CBR4: variants seen among roughly 807,000 people sequenced by gnomAD.
CBR4 encodes the protein carbonyl reductase 4.
A neutral mutation model predicts 21.0 loss-of-function variants in CBR4; 22 were observed. The ratio of observed to expected loss-of-function variants is 1.05; its 90% CI spans 0.75 to 1.50. CBR4 has a LOEUF of 1.50. CBR4 is among the 40% of genes most tolerant of loss of function. CBR4 has a pLI of 0.00. For synonymous variants in CBR4, 100 were observed against 104.4 expected (o/e 0.96, Z 0.26); for missense variants, 302 against 286.3 (o/e 1.05, Z -0.40).
chr4:168,922,079 TTA>T (rs1457613340), intron 2 of CBR4, among the ~76,000 whole-genome samples: 4 of 132,868 alleles, frequency 3.0e-5, no homozygotes, highest in African/African-American at 1.3e-4. Flanking sequence ...ATATAAAGTT[TTA>T]TATTTATATA....
rs143691649 is a variant in CBR4 at position 168,914,101 on chromosome 4, T to C, written n.170-19336A>G. On this transcript the variant is annotated intron_variant and non_coding_transcript_variant, in intron 2 of 3. Transcript: ENST00000509108. The stretch of plus-strand genomic sequence containing the variant: ...ATGTAGTACTATTAGAATCATCATA[T>C]GACCACAAAAGTAAACATAACTGGA... The C allele has an allele frequency of 2.7e-4, 238 of 895,974 alleles. 1 individual carries two copies. The African/African-American group carries it at 3.3e-3, about 12-fold the overall frequency. 55.5% of individuals were successfully genotyped at this position (895,974 alleles called of 1,614,324 possible).
At chr4:168,956,445 A>G (rs979172393) in intron 2 of CBR4, among the ~76,000 whole-genome samples, 1 of 151,870 alleles carries the variant, frequency 6.6e-6, no homozygotes, top group Non-Finnish European at 1.5e-5. Flanking sequence ...AAAAAACACA[A>G]AAATTAGTTA....
downstream of CBR4, among the ~76,000 whole-genome samples, chr4:168,984,215 G>C (rs193089924): frequency 2.0e-5 from 3 of 152,058 alleles, no homozygotes; most frequent in Admixed American, 2.0e-4. Context: ...AAAGTTTCAG[G>C]ATACAAAATC....
chr4:168,943,256 G>A (rs1225173994), intron 2 of CBR4, among the ~76,000 whole-genome samples: 1 of 152,192 alleles, frequency 6.6e-6, no homozygotes, highest in Non-Finnish European at 1.5e-5. Flanking sequence ...TGGAGAATGA[G>A]ACAAGCTTCC....
intron 2 of CBR4, among the ~76,000 whole-genome samples, chr4:168,959,739 T>C (rs1157499688): frequency 6.6e-6 from 1 of 151,970 alleles, no homozygotes; most frequent in East Asian, 1.9e-4. Context: ...CTAATTTTTG[T>C]ACTTTTAGAG....
chr4:168,907,428 T>G (rs1189214105), intron 2 of CBR4, among the ~76,000 whole-genome samples: 1 of 152,106 alleles, frequency 6.6e-6, no homozygotes, highest in Non-Finnish European at 1.5e-5. Context: ...GCTTTTCCAT[T>G]TTATCACCTC....
At chr4:169,008,802 T>C in intron 1 of CBR4, 2 of 363,618 alleles carry the variant, frequency 5.5e-6, no homozygotes, top group East Asian at 7.3e-5. Flanking sequence ...GTAAGGAATA[T>C]GAGCTTCAAG....
At chr4:168,973,923 T>C (rs1764291005) in intron 2 of CBR4, among the ~76,000 whole-genome samples, 1 of 152,232 alleles carries the variant, frequency 6.6e-6, no homozygotes, top group African/African-American at 2.4e-5. Flanking sequence ...TAGTCAACTT[T>C]AGTATTGAGA....
chr4:168,978,209 TTACCCA>T (rs1578971050), intron 2 of CBR4, among the ~76,000 whole-genome samples: 1 of 152,212 alleles, frequency 6.6e-6, no homozygotes, highest in Non-Finnish European at 1.5e-5. Context: ...CAAAAGATCT[TTACCCA>T]TGCTGTTCCT....
At chr4:168,944,256 G>A (rs934333670) in intron 2 of CBR4, among the ~76,000 whole-genome samples, 3 of 151,800 alleles carry the variant, frequency 2.0e-5, no homozygotes, top group African/African-American at 7.3e-5. Flanking sequence ...ACCAGCTTAG[G>A]CAATGTAGTG....
At chr4:168,924,882 G>C in intron 2 of CBR4, 1 of 1,528,624 alleles carries the variant, frequency 6.5e-7, no homozygotes, top group Non-Finnish European at 9.1e-7. Flanking sequence ...TAAAAATGAT[G>C]CTTCATGTCC....
At chr4:168,979,643 G>A (rs1245322787) in intron 2 of CBR4, among the ~76,000 whole-genome samples, 1 of 152,118 alleles carries the variant, frequency 6.6e-6, no homozygotes, top group Non-Finnish European at 1.5e-5. Context: ...GCATGTCGCA[G>A]CCACCACAGG....
intron 1 of CBR4, among the ~76,000 whole-genome samples, chr4:169,008,378 A>T (rs2126879913): frequency 6.6e-6 from 1 of 152,360 alleles, no homozygotes; most frequent in Middle Eastern, 3.4e-3. Context: ...AAAATGGTTA[A>T]ATGCCAAAAA....
At position 168,915,858 on chromosome 4, in the gene CBR4, T is replaced by A. The variant is rs755666875; in HGVS notation, n.170-21093A>T. 1.6e-5 allele frequency: 25 copies of A among 1,562,236 alleles called. No homozygotes were observed. The South Asian group carries it at 2.4e-4, about 15-fold the overall frequency. ...TAAAAGTCTGGAAGTAACTACTATC[T>A]ATATTTCTATCTATCTGTCATCTTT... On this transcript the variant is annotated intron_variant and non_coding_transcript_variant, in intron 2 of 3. Transcript: ENST00000509108.
intron 2 of CBR4, among the ~76,000 whole-genome samples, chr4:168,903,552 A>T (rs1757004590): frequency 6.6e-6 from 1 of 152,194 alleles, no homozygotes; most frequent in African/African-American, 2.4e-5. Context: ...AAAGGAAGAT[A>T]TATAATTTAA....
At chr4:168,904,489 T>C (rs1553973599) in intron 2 of CBR4, among the ~76,000 whole-genome samples, 1 of 152,224 alleles carries the variant, frequency 6.6e-6, no homozygotes, top group Non-Finnish European at 1.5e-5. Context: ...AATAGGAGGC[T>C]GCTGGGTATC....
At position 169,010,189 on chromosome 4, in the gene CBR4, AG is replaced by A. The variant is rs67009551; in HGVS notation, c.-101del. ...AACCGCGGTTCCAAAAAAAAAAAAA[AG>A]AAAAAAAAAGGCAAACCGCAAAAAA... On this transcript the variant is annotated 5_prime_UTR_variant, in exon 1 of 5. Transcript: ENST00000306193. The A allele has an allele frequency of 1.0e-3, 893 of 880,054 alleles. 8 individuals are homozygous for A. The African/African-American group carries it at 0.013, about 13-fold the overall frequency. 54.5% of individuals were successfully genotyped at this position (880,054 alleles called of 1,614,324 possible).
rs1475765850 is a variant in CBR4, at chr4:169,009,935, G to A, written c.142+13C>T. The A allele has an allele frequency of 6.2e-7, 1 of 1,607,944 alleles. No homozygotes were observed. Among genetic ancestry groups the A allele is most frequent in the Non-Finnish European group, 8.5e-7 (1 of 1,177,508 alleles). On this transcript the variant is annotated intron_variant, in intron 1 of 4. Transcript: ENST00000306193. ...GCGGCCATACAACTGGACAACTCCAGTTTGGTACCTACCGCCGAGGTCACC... is the reference window on the plus strand; with the variant it reads ...GCGGCCATACAACTGGACAACTCCAATTTGGTACCTACCGCCGAGGTCACC...
intron 2 of CBR4, among the ~76,000 whole-genome samples, chr4:168,902,963 A>G (rs760394042): frequency 9.2e-5 from 14 of 151,762 alleles, no homozygotes; most frequent in African/African-American, 2.4e-4. Flanking sequence ...GGGTCTTACT[A>G]TGTTGCCCAG....
Sources: gnomAD v4.1 joint callset for allele counts (sites outside exome capture counted in the v4.1 genomes callset) on GRCh38, gnomAD v4.1.1 for gene constraint, MANE v1.5 for transcripts, NCBI Gene and HGNC (gene_info 2026-07-23, HGNC 2026-07-21) for gene names.